KDM4C: variants seen among roughly 807,000 people sequenced by gnomAD.
KDM4C encodes lysine demethylase 4C, also known as lysine-specific demethylase 4C.
KDM4C carries 81 observed loss-of-function variants against 129.3 expected under a neutral mutation model. The ratio of observed to expected loss-of-function variants is 0.63; its 90% CI spans 0.52 to 0.75. The LOEUF is 0.75. KDM4C is among the 30% of genes least tolerant of loss of function. The pLI, the probability that KDM4C is intolerant of heterozygous loss-of-function variation, is 0.00. For synonymous variants in KDM4C, 573 were observed against 456.1 expected, an observed-to-expected ratio of 1.26 and a Z score of -3.26; for missense variants, 1,457 against 1,304.0, an observed-to-expected ratio of 1.12 and a Z score of -1.81.
intron 8 of KDM4C, among the ~76,000 whole-genome samples, chr9:6,965,479 G>A (rs1408020832): frequency 6.6e-6 from 1 of 152,164 alleles, no homozygotes; most frequent in African/African-American, 2.4e-5. Context: ...CAGGATATGT[G>A]TGTGTGTATA....
chr9:7,166,447 T>C (rs1346455974), intron 20 of KDM4C, among the ~76,000 whole-genome samples: 3 of 7,680 alleles, frequency 3.9e-4, no homozygotes, highest in Non-Finnish European at 7.5e-4. Context: ...ACATTGTGTG[T>C]GTATGTGTGT....
chr9:7,019,204 A>G (rs577603372), intron 15 of KDM4C, among the ~76,000 whole-genome samples: 7 of 152,316 alleles, frequency 4.6e-5, no homozygotes, highest in Admixed American at 3.9e-4. Context: ...AATTTTTACT[A>G]AACACTTAAG....
At chr9:7,000,761 G>C (rs892416773) in intron 12 of KDM4C, among the ~76,000 whole-genome samples, 16 of 152,226 alleles carry the variant, frequency 1.1e-4, no homozygotes, top group African/African-American at 3.9e-4. Context: ...CTTGGAGATA[G>C]AATGTCTCAG....
At chr9:7,000,062 C>T (rs574900998) in intron 12 of KDM4C, among the ~76,000 whole-genome samples, 33 of 152,190 alleles carry the variant, frequency 2.2e-4, no homozygotes, top group African/African-American at 7.0e-4. Context: ...TGTTTTCCTG[C>T]GTTATGTGGA....
At chr9:7,095,720 G>A (rs556575092) in intron 17 of KDM4C, among the ~76,000 whole-genome samples, 1 of 152,270 alleles carries the variant, frequency 6.6e-6, no homozygotes, top group Admixed American at 6.5e-5. Flanking sequence ...TAAGTAATAA[G>A]TAATTAAACG....
chr9:6,904,467 C>G (rs1164541694), intron 8 of KDM4C, among the ~76,000 whole-genome samples: 4 of 150,310 alleles, frequency 2.7e-5, no homozygotes, highest in African/African-American at 7.4e-5. Context: ...GTTCATTGCA[C>G]AGATCTTGTT....
chr9:7,007,043 A>G (rs1402386638), intron 12 of KDM4C, among the ~76,000 whole-genome samples: 2 of 152,228 alleles, frequency 1.3e-5, no homozygotes, highest in Admixed American at 6.5e-5. Context: ...TCTTCAGTAC[A>G]TTGATCCAAG....
At chr9:7,012,691 C>CTA (rs1822929286) in intron 13 of KDM4C, among the ~76,000 whole-genome samples, 1 of 152,126 alleles carries the variant, frequency 6.6e-6, no homozygotes, top group Non-Finnish European at 1.5e-5. Context: ...AGCACCTCAG[C>CTA]TAATGGAGGG....
At chr9:7,093,173 T>C (rs1836001545) in intron 17 of KDM4C, among the ~76,000 whole-genome samples, 1 of 152,086 alleles carries the variant, frequency 6.6e-6, no homozygotes, top group African/African-American at 2.4e-5. Flanking sequence ...TGAATTTACC[T>C]TACTCCTCTG....
chr9:6,734,884 T>A, intron 1 of KDM4C: 1 of 558,894 alleles, frequency 1.8e-6, no homozygotes, highest in Non-Finnish European at 3.6e-6. Context: ...ATAAGAGACT[T>A]CACAATGGAA....
chr9:6,806,941 C>G (rs1026362486), intron 3 of KDM4C, among the ~76,000 whole-genome samples: 1 of 150,966 alleles, frequency 6.6e-6, no homozygotes, highest in Non-Finnish European at 1.5e-5. Context: ...GTCTCCCTCT[C>G]ATGCGGAGCG....
chr9:6,781,384 GT>G (rs58921729), intron 1 of KDM4C, among the ~76,000 whole-genome samples: 14,743 of 144,654 alleles, frequency 0.1, 822 homozygotes, highest in Non-Finnish European at 0.12. Context: ...TGTTTTTTGT[GT>G]TTTTTTTTTA....
At chr9:6,988,716 G>A (rs1367370287) in intron 11 of KDM4C, among the ~76,000 whole-genome samples, 2 of 150,260 alleles carry the variant, frequency 1.3e-5, no homozygotes, top group Non-Finnish European at 3.0e-5. Flanking sequence ...ATTCATCTTG[G>A]GCTCAAAGCT....
chr9:6,853,494 A>G (rs1366472847), intron 5 of KDM4C, among the ~76,000 whole-genome samples: 1 of 152,200 alleles, frequency 6.6e-6, no homozygotes, highest in Non-Finnish European at 1.5e-5. Flanking sequence ...CACTGTCTCA[A>G]AGAATAAAAA....
intron 2 of KDM4C, 95 bp downstream of exon 2, chr9:6,793,227 A>G (rs1827057021): frequency 7.5e-7 from 1 of 1,325,940 alleles, no homozygotes; most frequent in Admixed American, 2.2e-5. Context: ...TTCTGAAGGA[A>G]GAAATTTGCA....
At chr9:6,830,528 AT>A (rs1192372032) in intron 4 of KDM4C, among the ~76,000 whole-genome samples, 9 of 152,236 alleles carry the variant, frequency 5.9e-5, no homozygotes, top group Admixed American at 1.3e-4. Context: ...TAAGAGAAAG[AT>A]GTCACTAAAA....
intron 17 of KDM4C, among the ~76,000 whole-genome samples, chr9:7,069,618 G>C (rs1189763633): frequency 1.3e-5 from 2 of 152,096 alleles, no homozygotes; most frequent in African/African-American, 2.4e-5. Flanking sequence ...TCCTCTATTG[G>C]TTACTTCTTA....
At chr9:6,935,883 T>A (rs886078033) in intron 8 of KDM4C, among the ~76,000 whole-genome samples, 2 of 152,156 alleles carry the variant, frequency 1.3e-5, no homozygotes, top group Non-Finnish European at 2.9e-5. Context: ...TATTCCAGAT[T>A]TAGGGCTTGA....
intron 8 of KDM4C, among the ~76,000 whole-genome samples, chr9:6,963,734 T>A (rs138001992): frequency 3.2e-4 from 49 of 152,306 alleles, no homozygotes; most frequent in African/African-American, 1.1e-3. Flanking sequence ...CGCACATTCT[T>A]CCAGAGAAGC....
Sources: allele counts gnomAD v4.1 joint callset (sites outside exome capture counted in the v4.1 genomes callset), GRCh38; gene constraint gnomAD v4.1.1; transcripts MANE v1.5; gene names NCBI Gene and HGNC (gene_info 2026-07-23, HGNC 2026-07-21).